Variants in CCDC141 observed in about 807,000 individuals in gnomAD.
The protein encoded by CCDC141 is coiled-coil domain containing 141.
A neutral mutation model predicts 181.0 loss-of-function variants in CCDC141; 168 were observed. The observed-to-expected ratio is 0.93, with a 90% CI of 0.82 to 1.05. The LOEUF (loss-of-function observed/expected upper bound fraction) is 1.05. Ranked by LOEUF, CCDC141 falls within the 50% of genes least tolerant of loss-of-function variation. CCDC141 has a pLI of 0.00. For missense variants in CCDC141, 1,902 were observed against 1,788.5 expected (o/e 1.06, Z -1.14); for synonymous variants, 666 against 642.3 (o/e 1.04, Z -0.56).
At chr2:179,046,857 AAGCAC>A (rs1483041654) in intron 2 of CCDC141, among the ~76,000 whole-genome samples, 12 of 152,252 alleles carry the variant, frequency 7.9e-5, no homozygotes, top group African/African-American at 2.9e-4. Flanking sequence ...TCTTAATACT[AAGCAC>A]AGAATCAGAT....
At chr2:178,950,171 T>A (rs1002435815) in intron 5 of CCDC141, among the ~76,000 whole-genome samples, 1 of 152,214 alleles carries the variant, frequency 6.6e-6, no homozygotes, top group African/African-American at 2.4e-5. Context: ...GAAAAAGGCA[T>A]CAGTTATTTA....
At chr2:179,006,841 G>A (rs1395969582) in intron 2 of CCDC141, among the ~76,000 whole-genome samples, 1 of 152,100 alleles carries the variant, frequency 6.6e-6, no homozygotes, top group Non-Finnish European at 1.5e-5. Flanking sequence ...AACTCTAATA[G>A]GAAAATTAAG....
chr2:178,854,560 G>C (rs1305123710), intron 19 of CCDC141, among the ~76,000 whole-genome samples: 2 of 152,142 alleles, frequency 1.3e-5, no homozygotes, highest in Non-Finnish European at 2.9e-5. Context: ...GTGATGGAAG[G>C]AATGTCTGAC....
chr2:178,954,843 A>G (rs533318707), intron 5 of CCDC141, among the ~76,000 whole-genome samples: 2 of 152,170 alleles, frequency 1.3e-5, no homozygotes, highest in East Asian at 1.9e-4. Context: ...TTGCCCTTCA[A>G]TGAAATGTGG....
intron 2 of CCDC141, among the ~76,000 whole-genome samples, chr2:179,000,487 T>G (rs779884370): frequency 6.6e-6 from 1 of 152,206 alleles, no homozygotes; most frequent in Non-Finnish European, 1.5e-5. Flanking sequence ...CAGAAGAGGT[T>G]TGCTGACTTC....
chr2:178,960,409 T>C (rs1442295233), intron 5 of CCDC141, among the ~76,000 whole-genome samples: 1 of 152,048 alleles, frequency 6.6e-6, no homozygotes, highest in Non-Finnish European at 1.5e-5. Context: ...TTGGATGGAG[T>C]AATAATATTA....
chr2:178,986,165 C>A (rs145754212), intron 2 of CCDC141, among the ~76,000 whole-genome samples: 1 of 152,070 alleles, frequency 6.6e-6, no homozygotes. Context: ...GTTCAATATA[C>A]GCAAATCAAT....
chr2:178,821,350 C>G, the CCDC141 span, among the ~76,000 whole-genome samples: 3 of 152,148 alleles, frequency 2.0e-5, no homozygotes, highest in African/African-American at 7.2e-5. Flanking sequence ...CCTTATCTGT[C>G]TTCTGCTTCC....
intron 2 of CCDC141, among the ~76,000 whole-genome samples, chr2:179,047,019 C>T (rs763294387): frequency 2.6e-5 from 4 of 151,874 alleles, no homozygotes; most frequent in African/African-American, 4.8e-5. Context: ...CCCACTGAGG[C>T]AGCCAGGAAA....
chr2:178,829,127 T>G (rs1047077538), downstream of CCDC141, among the ~76,000 whole-genome samples: 11 of 152,196 alleles, frequency 7.2e-5, no homozygotes, highest in African/African-American at 2.4e-4. Context: ...AAAAATTGGA[T>G]TTGATCTATT....
intron 2 of CCDC141, among the ~76,000 whole-genome samples, chr2:179,024,874 A>T (rs1694068447): frequency 6.6e-6 from 1 of 151,986 alleles, no homozygotes; most frequent in African/African-American, 2.4e-5. Context: ...AGAGCTTCTT[A>T]TTCCTCATTG....
intron 8 of CCDC141, among the ~76,000 whole-genome samples, chr2:178,901,419 G>T (rs1170281601): frequency 1.3e-5 from 2 of 151,856 alleles, no homozygotes; most frequent in African/African-American, 4.8e-5. Flanking sequence ...TGATCAAGTG[G>T]GCTTCATCCC....
intron 2 of CCDC141, among the ~76,000 whole-genome samples, chr2:179,004,090 C>T (rs985384786): frequency 5.9e-5 from 9 of 152,040 alleles, no homozygotes; most frequent in African/African-American, 2.2e-4. Context: ...GCATTTGGGG[C>T]TTCATAGTAA....
In CCDC141 at chr2:178,865,909, G is replaced by C; in HGVS notation, c.2582C>G (p.Ser861Cys). 1 of 1,578,668 alleles carries C rather than the reference G, an allele frequency of 6.3e-7. No homozygotes were observed. The highest frequency in any genetic ancestry group is 1.2e-5 in the South Asian group (1 of 84,874). ...IISSVQRPHC[S>C]NVSAKNLQQQ... is the part of the protein sequence containing the mutation. ...CTGTAGGTTCTTTGCAGAAACATTA[G>C]AGCAGTGCTAAAAGAGACAAATGGT... The change falls in exon 17 of 24, where the codon TCT (serine) becomes TGT (cysteine). Residue 861 changes from serine (S) to cysteine (C), a missense_variant. Transcript: ENST00000443758.
the CCDC141 span, among the ~76,000 whole-genome samples, chr2:178,821,802 CT>C: frequency 6.6e-6 from 1 of 152,196 alleles, no homozygotes; most frequent in Admixed American, 6.5e-5. Context: ...CACTTTTACA[CT>C]GTTGGTGGGA....
At chr2:178,986,439 T>C (rs1391274454) in intron 2 of CCDC141, among the ~76,000 whole-genome samples, 2 of 152,166 alleles carry the variant, frequency 1.3e-5, no homozygotes, top group Non-Finnish European at 1.5e-5. Context: ...CCACTCCTAT[T>C]CAACATAGTG....
At position 178,837,164 on chromosome 2, in the gene CCDC141, T is replaced by A; in HGVS notation, c.4055A>T (p.Asp1352Val). 1 of 1,613,952 alleles carries A rather than the reference T, an allele frequency of 6.2e-7. No homozygotes were observed. The highest frequency in any genetic ancestry group is 8.5e-7 in the Non-Finnish European group (1 of 1,179,938). ...ATCTTGGGTTTTAGTGAAGTTATTA[T>A]CAGCATGCATTTTCTCCCGTGTTTC... ...LLETREKMHADNNFTKTQDRL... is the reference protein window; with the variant it reads ...LLETREKMHAVNNFTKTQDRL... The change falls in exon 23 of 24, where the codon GAT becomes GTT. Residue 1352 changes from aspartate to valine, a missense_variant. Transcript: ENST00000443758.
rs554587750 is a variant in CCDC141, at chr2:178,936,310, T to G, written c.897+8225A>C. Among the ~76,000 whole-genome samples, 9 of 152,230 alleles carry G rather than the reference T, an allele frequency of 5.9e-5. No individual in the cohort carries two copies. In the South Asian group the frequency reaches 1.9e-3, roughly 32 times the overall value. On this transcript the variant is annotated intron_variant, in intron 6 of 23. Coordinates refer to ENST00000443758, the MANE Select transcript of CCDC141 (RefSeq NM_173648.4). Reference sequence around the variant, plus strand: ...AAGGAAGGGTTCACCTTTAATCTTCTGCATGTGGCTAGTCAATTATTCCAG... The same window carrying G: ...AAGGAAGGGTTCACCTTTAATCTTCGGCATGTGGCTAGTCAATTATTCCAG...
intron 2 of CCDC141, among the ~76,000 whole-genome samples, chr2:179,015,106 TATATATATAATC>T (rs1559048808): frequency 5.4e-4 from 13 of 24,002 alleles, no homozygotes; most frequent in Non-Finnish European, 1.0e-3. Flanking sequence ...ATATATATAA[TATATATATAATC>T]ATATATATAT....
Sources: allele counts gnomAD v4.1 joint callset (sites outside exome capture counted in the v4.1 genomes callset), GRCh38; gene constraint gnomAD v4.1.1; transcripts MANE v1.5; gene names NCBI Gene and HGNC (gene_info 2026-07-23, HGNC 2026-07-21).